Variants in MYO1E observed in about 807,000 individuals in gnomAD.
The protein encoded by MYO1E is myosin IE.
A neutral mutation model predicts 151.1 loss-of-function variants in MYO1E; 68 were observed. The observed-to-expected ratio is 0.45, with a 90% CI of 0.37 to 0.55. MYO1E has a LOEUF of 0.55. MYO1E is among the 20% of genes least tolerant of loss of function. MYO1E has a pLI of 0.00. For synonymous variants in MYO1E, 601 were observed against 501.7 expected (o/e 1.20, Z -2.64); for missense variants, 1,363 against 1,389.3 (o/e 0.98, Z 0.30).
At chr15:59,292,380 T>G (rs2080424726) in intron 1 of MYO1E, among the ~76,000 whole-genome samples, 1 of 152,254 alleles carries the variant, frequency 6.6e-6, no homozygotes, top group African/African-American at 2.4e-5. Flanking sequence ...GAATTATTAT[T>G]ACTATTTCAA....
intron 1 of MYO1E, among the ~76,000 whole-genome samples, chr15:59,319,250 G>A (rs1384956405): frequency 4.6e-5 from 7 of 152,188 alleles, no homozygotes; most frequent in Non-Finnish European, 8.8e-5. Flanking sequence ...GCCGGAGGTT[G>A]CAGTGAGCTG....
chr15:59,351,357 CA>C (rs1253983300), intron 1 of MYO1E, among the ~76,000 whole-genome samples: 26 of 152,244 alleles, frequency 1.7e-4, no homozygotes, highest in African/African-American at 6.0e-4. Flanking sequence ...AGTGAAAATC[CA>C]CTGTGTACAA....
intron 9 of MYO1E, among the ~76,000 whole-genome samples, chr15:59,220,634 T>C (rs982440841): frequency 2.6e-5 from 4 of 152,128 alleles, no homozygotes; most frequent in Non-Finnish European, 5.9e-5. Context: ...CCTCTACAAA[T>C]TTATTCCATA....
At chr15:59,251,835 G>A (rs1027621538) in intron 4 of MYO1E, among the ~76,000 whole-genome samples, 6 of 152,216 alleles carry the variant, frequency 3.9e-5, no homozygotes, top group Admixed American at 1.3e-4. Flanking sequence ...AGGTCAGGTT[G>A]ACATAGAAAA....
At chr15:59,208,332 A>G in intron 14 of MYO1E, 1 of 561,144 alleles carries the variant, frequency 1.8e-6, no homozygotes, top group Non-Finnish European at 3.2e-6. Context: ...ATATATATGT[A>G]GTTGGCATTT....
At chr15:59,149,096 GC>G (rs2079461190) in intron 26 of MYO1E, among the ~76,000 whole-genome samples, 1 of 132,574 alleles carries the variant, frequency 7.5e-6, no homozygotes, top group Non-Finnish European at 1.5e-5. Flanking sequence ...TTGCTCTGTC[GC>G]CCAGGCTGGA....
intron 1 of MYO1E, among the ~76,000 whole-genome samples, chr15:59,338,184 G>C (rs1199559506): frequency 6.7e-6 from 1 of 149,618 alleles, no homozygotes; most frequent in Non-Finnish European, 1.5e-5. Context: ...AAAATGAATA[G>C]ATTGCTTAGG....
At chr15:59,190,761 G>A (rs1378695646) in intron 17 of MYO1E, among the ~76,000 whole-genome samples, 5 of 152,180 alleles carry the variant, frequency 3.3e-5, no homozygotes, top group Admixed American at 6.5e-5. Context: ...TTCGTAGCAC[G>A]AGCATGTAAA....
At chr15:59,168,325 C>T (rs1408632896) in intron 22 of MYO1E, among the ~76,000 whole-genome samples, 1 of 151,918 alleles carries the variant, frequency 6.6e-6, no homozygotes, top group Non-Finnish European at 1.5e-5. Flanking sequence ...GTGGGTAGAT[C>T]CCATGAGCCC....
chr15:59,202,546 C>T (rs1175814087), intron 15 of MYO1E, 139 bp from the exon 16 acceptor site: 6 of 745,468 alleles, frequency 8.0e-6, no homozygotes, highest in Middle Eastern at 3.3e-4. Context: ...ACTCACAGCG[C>T]GGGCCATCAA....
At chr15:59,151,993 G>A (rs1009760483) in intron 26 of MYO1E, among the ~76,000 whole-genome samples, 3 of 151,962 alleles carry the variant, frequency 2.0e-5, no homozygotes, top group Admixed American at 6.6e-5. Context: ...GCTTGAACCC[G>A]GGAGGCAGAG....
intron 26 of MYO1E, among the ~76,000 whole-genome samples, chr15:59,149,039 T>TTTTTTTTTTTTTTTG (rs2079458862): frequency 1.5e-5 from 1 of 65,584 alleles, no homozygotes; most frequent in African/African-American, 6.8e-5. Context: ...GGATGAACTG[T>TTTTTTTTTTTTTTTG]TTTTTTTTTT....
Position 59,224,833 on chromosome 15 carries a change from G to C in MYO1E, c.643-10C>G. 1 of 1,614,190 alleles carries C rather than the reference G, an allele frequency of 6.2e-7. No individual in the cohort carries two copies. The highest frequency in any genetic ancestry group is 8.5e-7 in the Non-Finnish European group (1 of 1,180,044). ...AGGCGCCCTCGATGAGCTGGAGCAA[G>C]AGAACACAGGTTGAGCCATGATGTG... On this transcript the variant is annotated splice_polypyrimidine_tract_variant and intron_variant, in intron 7 of 27. Transcript: ENST00000288235.
chr15:59,314,879 C>T (rs1218364822), intron 1 of MYO1E, among the ~76,000 whole-genome samples: 2 of 152,108 alleles, frequency 1.3e-5, no homozygotes, highest in Non-Finnish European at 2.9e-5. Flanking sequence ...AGGCAGCTTC[C>T]ATCTAGCTCC....
At chr15:59,232,107 T>A (rs1184655848) in intron 5 of MYO1E, among the ~76,000 whole-genome samples, 2 of 152,158 alleles carry the variant, frequency 1.3e-5, no homozygotes, top group Non-Finnish European at 2.9e-5. Context: ...AAAAGTGAAG[T>A]GGTACCTGAA....
chr15:59,228,124 G>C (rs1170783296), intron 6 of MYO1E, among the ~76,000 whole-genome samples: 2 of 152,164 alleles, frequency 1.3e-5, no homozygotes, highest in African/African-American at 4.8e-5. Context: ...TTAAATGACT[G>C]CTAATAGGGA....
At position 59,186,677 on chromosome 15, in the gene MYO1E, A is replaced by C. The variant is rs139820909; in HGVS notation, c.1904+1441T>G. ...AGGTGGGAGAGAATGGCTTGAGCCC[A>C]GGAGTTCAAAGATGCAGTGAGTTAT... On this transcript the variant is annotated intron_variant, in intron 18 of 27. Transcript: ENST00000288235. Among the ~76,000 whole-genome samples, 995 of 152,346 alleles carry C rather than the reference A, an allele frequency of 6.5e-3. 8 individuals carry two copies. Among genetic ancestry groups the C allele is most frequent in the Non-Finnish European group, 0.01 (710 of 68,028 alleles).
intron 18 of MYO1E, among the ~76,000 whole-genome samples, chr15:59,183,425 C>G (rs1238741596): frequency 6.6e-6 from 1 of 151,768 alleles, no homozygotes; most frequent in Non-Finnish European, 1.5e-5. Context: ...GCCTTGACCT[C>G]CTGGGCTCGA....
chr15:59,327,757 A>G (rs1347701013), intron 1 of MYO1E, among the ~76,000 whole-genome samples: 3 of 152,192 alleles, frequency 2.0e-5, no homozygotes, highest in South Asian at 2.1e-4. Context: ...GGGCAGCTAT[A>G]GAGTGGGGCA....
Sources: gnomAD v4.1 joint callset for allele counts (sites outside exome capture counted in the v4.1 genomes callset) on GRCh38, gnomAD v4.1.1 for gene constraint, MANE v1.5 for transcripts, NCBI Gene and HGNC (gene_info 2026-07-23, HGNC 2026-07-21) for gene names.